PRLR: variants seen among roughly 807,000 people sequenced by gnomAD.
The protein encoded by PRLR is hPRL receptor.
In PRLR, 13 loss-of-function variants were observed where a neutral mutation model predicts 40.2. That is an observed-to-expected ratio of 0.32 (90% CI 0.21 to 0.51). The LOEUF (loss-of-function observed/expected upper bound fraction) is 0.51. Among genes scored for constraint, PRLR ranks in the 20% least tolerant of loss-of-function variants. The pLI is 0.97. For missense variants in PRLR, 656 were observed against 747.3 expected (o/e 0.88, Z 1.42); for synonymous variants, 269 against 278.7 (o/e 0.97, Z 0.35).
intron 1 of PRLR, among the ~76,000 whole-genome samples, chr5:35,205,867 G>A (rs923166965): frequency 6.6e-6 from 1 of 152,182 alleles, no homozygotes; most frequent in Non-Finnish European, 1.5e-5. Context: ...TTAGAGCCCA[G>A]TACATATTGA....
chr5:35,190,083 G>T (rs907553732), intron 1 of PRLR, among the ~76,000 whole-genome samples: 2 of 152,172 alleles, frequency 1.3e-5, no homozygotes, highest in African/African-American at 4.8e-5. Flanking sequence ...TGCTTCTGAG[G>T]TGAGTCGGCT....
intron 1 of PRLR, among the ~76,000 whole-genome samples, chr5:35,218,331 C>T (rs113918568): frequency 1.8e-4 from 28 of 152,120 alleles, no homozygotes; most frequent in African/African-American, 3.9e-4. Context: ...TTCCAATGAA[C>T]GCATGTTAAT....
intron 2 of PRLR, among the ~76,000 whole-genome samples, chr5:35,104,392 C>A (rs1772088674): frequency 6.6e-6 from 1 of 151,108 alleles, no homozygotes; most frequent in Non-Finnish European, 1.5e-5. Flanking sequence ...TGGGTGCAGC[C>A]CACGGAGTGT....
chr5:35,076,695 T>C (rs1039263350), intron 5 of PRLR, among the ~76,000 whole-genome samples: 4 of 152,054 alleles, frequency 2.6e-5, no homozygotes, highest in Non-Finnish European at 4.4e-5. Flanking sequence ...ATACAGAGAA[T>C]GCCACAAAGG....
At chr5:35,202,482 GTC>G (rs1411978551) in intron 1 of PRLR, among the ~76,000 whole-genome samples, 1 of 152,100 alleles carries the variant, frequency 6.6e-6, no homozygotes, top group Non-Finnish European at 1.5e-5. Context: ...CGTCCGTACT[GTC>G]TCTCAGAATC....
At chr5:35,204,727 C>T (rs570525972) in intron 1 of PRLR, among the ~76,000 whole-genome samples, 1 of 152,246 alleles carries the variant, frequency 6.6e-6, no homozygotes, top group African/African-American at 2.4e-5. Flanking sequence ...CATGACAATG[C>T]TAGCAGTAGA....
At chr5:35,216,029 C>T (rs1487077728) in intron 1 of PRLR, among the ~76,000 whole-genome samples, 1 of 150,854 alleles carries the variant, frequency 6.6e-6, no homozygotes, top group Admixed American at 6.6e-5. Flanking sequence ...CAGAAAAAGA[C>T]TCTGTCTCAA....
intron 1 of PRLR, among the ~76,000 whole-genome samples, chr5:35,142,400 G>T (rs1237418584): frequency 6.6e-6 from 1 of 152,114 alleles, no homozygotes; most frequent in South Asian, 2.1e-4. Flanking sequence ...GGGGAGAAAG[G>T]GGAAGGCAAT....
At chr5:35,116,302 C>CCA (rs1451860724) in intron 2 of PRLR, among the ~76,000 whole-genome samples, 3 of 152,120 alleles carry the variant, frequency 2.0e-5, no homozygotes, top group African/African-American at 7.2e-5. Flanking sequence ...CTACTTTATA[C>CCA]TATTTGGTTA....
At chr5:35,075,258 T>C (rs1770004816) in intron 5 of PRLR, among the ~76,000 whole-genome samples, 1 of 152,088 alleles carries the variant, frequency 6.6e-6, no homozygotes, top group African/African-American at 2.4e-5. Context: ...ACCCGGGAAG[T>C]GCAAGGGGTC....
intron 2 of PRLR, among the ~76,000 whole-genome samples, chr5:35,108,202 T>C (rs1772403126): frequency 6.6e-6 from 1 of 152,098 alleles, no homozygotes; most frequent in Admixed American, 6.5e-5. Context: ...CTCAATAAAC[T>C]AGGTATTGAT....
chr5:35,155,581 T>C (rs1021094762), intron 1 of PRLR, among the ~76,000 whole-genome samples: 2 of 152,192 alleles, frequency 1.3e-5, no homozygotes, highest in African/African-American at 4.8e-5. Context: ...ATGGAAGCCG[T>C]TGGTTCTTAA....
intron 1 of PRLR, among the ~76,000 whole-genome samples, chr5:35,198,440 G>A (rs1211088030): frequency 6.6e-6 from 1 of 152,214 alleles, no homozygotes; most frequent in Non-Finnish European, 1.5e-5. Flanking sequence ...CAAAAGGCAA[G>A]CTTCTGGGGA....
chr5:35,224,763 T>C (rs978890248), intron 1 of PRLR, among the ~76,000 whole-genome samples: 12 of 151,984 alleles, frequency 7.9e-5, no homozygotes, highest in Non-Finnish European at 7.4e-5. Context: ...TGCAAACCAG[T>C]AGAGTACACA....
At chr5:35,066,272 A>ATT (rs796177501) in intron 9 of PRLR, among the ~76,000 whole-genome samples, 170 bp from the exon 10 acceptor site, 8 of 148,434 alleles carry the variant, frequency 5.4e-5, no homozygotes, top group African/African-American at 2.0e-4. Context: ...TATTCAGCAG[A>ATT]TTTTTTTTTT....
rs191517655 is a variant in PRLR, at chr5:35,102,168, C to T, written c.-43-12505G>A. 2.1e-3 allele frequency among the ~76,000 whole-genome samples: 316 copies of T among 152,084 alleles called. 1 individual carries two copies. Among genetic ancestry groups the T allele is most frequent in the African/African-American group, 6.8e-3 (282 of 41,510 alleles). ...TGGGTGCACACTTCTAAAAATGAGG[C>T]GCTTCTCTGATTTCCTAATTGAAAC... is the stretch of plus-strand genomic sequence containing the variant. On this transcript the variant is annotated intron_variant, in intron 2 of 9. Coordinates refer to ENST00000618457, the MANE Select transcript of PRLR (RefSeq NM_000949.7).
At chr5:35,124,337 G>C (rs1038234260) in intron 1 of PRLR, among the ~76,000 whole-genome samples, 1 of 152,024 alleles carries the variant, frequency 6.6e-6, no homozygotes, top group South Asian at 2.1e-4. Flanking sequence ...GGATGAAATG[G>C]GCCACTCTGG....
At chr5:35,206,062 C>T (rs1305896134) in intron 1 of PRLR, among the ~76,000 whole-genome samples, 4 of 151,998 alleles carry the variant, frequency 2.6e-5, no homozygotes, top group South Asian at 4.2e-4. Flanking sequence ...TCATCTTCAA[C>T]TGAAATAGAA....
intron 1 of PRLR, among the ~76,000 whole-genome samples, chr5:35,190,485 A>T (rs1436874573): frequency 6.6e-6 from 1 of 152,046 alleles, no homozygotes; most frequent in East Asian, 1.9e-4. Flanking sequence ...GGTGCCTGTA[A>T]TCCTAGCTAC....
Sources: gnomAD v4.1 joint callset for allele counts (sites outside exome capture counted in the v4.1 genomes callset) on GRCh38, gnomAD v4.1.1 for gene constraint, MANE v1.5 for transcripts, NCBI Gene and HGNC (gene_info 2026-07-23, HGNC 2026-07-21) for gene names.